The following NTM variants were observed in gnomAD, a reference collection of about 807,000 sequenced individuals.
NTM encodes the protein IgLON family member 2.
In NTM, 13 loss-of-function variants were observed where a neutral mutation model predicts 42.1. That is an observed-to-expected ratio of 0.31 (90% CI 0.20 to 0.49). The LOEUF (loss-of-function observed/expected upper bound fraction) is 0.49. Ranked by LOEUF, NTM falls within the 20% of genes least tolerant of loss-of-function variation. The pLI is 0.99. For missense variants in NTM, 373 were observed against 452.8 expected (o/e 0.82, Z 1.60); for synonymous variants, 187 against 179.2 (o/e 1.04, Z -0.35).
At chr11:131,500,556 T>C (rs1262870612) in intron 1 of NTM, among the ~76,000 whole-genome samples, 695 of 22,086 alleles carry the variant, frequency 0.031, 13 homozygotes, top group South Asian at 0.16. Context: ...TATATATATA[T>C]ATATATATAT....
chr11:131,696,514 T>C (rs2075464004), intron 1 of NTM, among the ~76,000 whole-genome samples: 1 of 152,172 alleles, frequency 6.6e-6, no homozygotes, highest in South Asian at 2.1e-4. Flanking sequence ...GATTCTGGAC[T>C]CTTTCCAGAG....
chr11:131,545,902 G>A (rs188360671), intron 1 of NTM, among the ~76,000 whole-genome samples: 66 of 152,290 alleles, frequency 4.3e-4, no homozygotes, highest in African/African-American at 1.5e-3. Context: ...ACCTGGCTGG[G>A]AGGGTTACAG....
intron 3 of NTM, among the ~76,000 whole-genome samples, chr11:132,167,577 T>G (rs2075470464): frequency 6.6e-6 from 1 of 152,232 alleles, no homozygotes; most frequent in African/African-American, 2.4e-5. Flanking sequence ...CTGTCATGTA[T>G]CTTGCCTGAG....
chr11:131,577,302 T>A lies in NTM; in HGVS notation c.82+206414T>A, dbSNP rs117750537. On this transcript the variant is annotated intron_variant, in intron 1 of 8. Coordinates refer to ENST00000683400, the MANE Select transcript of NTM (RefSeq NM_001352005.2). The stretch of plus-strand genomic sequence containing the variant: ...GATAGCTTGAAAAAAATGACAAGGA[T>A]TCTTTGGGGCATTTAGATGTGTGCA... 5.0e-4 allele frequency among the ~76,000 whole-genome samples: 76 copies of A among 152,294 alleles called. 2 individuals are homozygous for A. The East Asian group carries it at 0.012, about 24-fold the overall frequency.
chr11:131,494,082 C>G (rs189131030), intron 1 of NTM, among the ~76,000 whole-genome samples: 1 of 152,182 alleles, frequency 6.6e-6, no homozygotes, highest in African/African-American at 2.4e-5. Context: ...AATGCACTTT[C>G]CCCTGTCTCT....
intron 1 of NTM, among the ~76,000 whole-genome samples, chr11:131,758,124 AAC>A (rs1407023108): frequency 2.0e-5 from 3 of 152,182 alleles, no homozygotes; most frequent in Non-Finnish European, 4.4e-5. Context: ...ATTTAAGTTC[AAC>A]AGAGACTATT....
chr11:131,988,373 A>T (rs1439188837), intron 2 of NTM, among the ~76,000 whole-genome samples: 1 of 152,188 alleles, frequency 6.6e-6, no homozygotes, highest in Non-Finnish European at 1.5e-5. Context: ...TGCACAACGG[A>T]TATCCAACTC....
At chr11:131,803,436 G>C (rs536711251) in intron 1 of NTM, among the ~76,000 whole-genome samples, 2 of 152,110 alleles carry the variant, frequency 1.3e-5, no homozygotes, top group East Asian at 3.9e-4. Context: ...AGCCTCCCAA[G>C]TAGCTGGGAC....
At chr11:132,064,060 G>A (rs925515534) in intron 2 of NTM, among the ~76,000 whole-genome samples, 2 of 152,136 alleles carry the variant, frequency 1.3e-5, no homozygotes, top group Admixed American at 6.6e-5. Context: ...ACATCATGTT[G>A]GAAAAGCAGT....
intron 1 of NTM, among the ~76,000 whole-genome samples, chr11:131,621,152 A>G (rs2062490223): frequency 6.6e-6 from 1 of 152,190 alleles, no homozygotes; most frequent in Non-Finnish European, 1.5e-5. Context: ...TAATTTATTA[A>G]TGTTCACATA....
intron 1 of NTM, among the ~76,000 whole-genome samples, chr11:131,766,406 G>A (rs545513790): frequency 1.3e-5 from 2 of 152,286 alleles, no homozygotes; most frequent in East Asian, 3.9e-4. Context: ...TGCAGAGGGC[G>A]ATGCGACAGA....
At chr11:131,489,269 C>T (rs1237872022) in intron 1 of NTM, among the ~76,000 whole-genome samples, 2 of 152,176 alleles carry the variant, frequency 1.3e-5, no homozygotes, top group Non-Finnish European at 2.9e-5. Context: ...ATAACTTTCT[C>T]AGCTTGCTTT....
At chr11:131,497,352 C>T (rs1955456673) in intron 1 of NTM, among the ~76,000 whole-genome samples, 1 of 139,780 alleles carries the variant, frequency 7.2e-6, no homozygotes, top group African/African-American at 2.6e-5. Context: ...CCATGCCTGG[C>T]TAACTTTTGT....
chr11:131,900,740 G>A (rs1199819531), intron 1 of NTM, among the ~76,000 whole-genome samples: 1 of 152,160 alleles, frequency 6.6e-6, no homozygotes, highest in African/African-American at 2.4e-5. Context: ...CTCGATTTCT[G>A]ATTTCAGCAG....
intron 1 of NTM, among the ~76,000 whole-genome samples, chr11:131,565,156 G>A (rs2056739222): frequency 6.6e-6 from 1 of 152,184 alleles, no homozygotes; most frequent in Non-Finnish European, 1.5e-5. Context: ...ACTGTCCCCT[G>A]TGAACACAGG....
intron 1 of NTM, among the ~76,000 whole-genome samples, chr11:131,599,317 C>T (rs2060254146): frequency 6.6e-6 from 1 of 151,972 alleles, no homozygotes; most frequent in African/African-American, 2.4e-5. Context: ...GCCCTGTCTA[C>T]CCAGTCTCCG....
chr11:131,394,028 T>G (rs933746151), intron 1 of NTM, among the ~76,000 whole-genome samples: 2 of 152,262 alleles, frequency 1.3e-5, no homozygotes, highest in South Asian at 2.1e-4. Context: ...CAGGAATTGA[T>G]GTATTCTCTG....
At chr11:131,744,949 T>A (rs2081625090) in intron 1 of NTM, among the ~76,000 whole-genome samples, 1 of 152,190 alleles carries the variant, frequency 6.6e-6, no homozygotes, top group Non-Finnish European at 1.5e-5. Flanking sequence ...TGCATTTACC[T>A]CCTGGGCAAA....
At chr11:131,676,148 C>A (rs1393629226) in intron 1 of NTM, among the ~76,000 whole-genome samples, 1 of 152,118 alleles carries the variant, frequency 6.6e-6, no homozygotes, top group Non-Finnish European at 1.5e-5. Flanking sequence ...TAGCAAGAGG[C>A]TGTTGGAAGA....
Sources: gnomAD v4.1 joint callset for allele counts (sites outside exome capture counted in the v4.1 genomes callset) on GRCh38, gnomAD v4.1.1 for gene constraint, MANE v1.5 for transcripts, NCBI Gene and HGNC (gene_info 2026-07-23, HGNC 2026-07-21) for gene names.